Variants in TSC22D1 observed in about 807,000 individuals in gnomAD.
TSC22D1 encodes the protein TSC22 domain family member 1.
TSC22D1 carries 9 observed loss-of-function variants against 74.2 expected under a neutral mutation model. The observed-to-expected ratio is 0.12, with a 90% CI of 0.07 to 0.21. The LOEUF is 0.21. TSC22D1 is among the 10% of genes least tolerant of loss of function. The pLI is 1.00. For synonymous variants in TSC22D1, 586 were observed against 492.5 expected, an observed-to-expected ratio of 1.19 and a Z score of -2.51; for missense variants, 1,427 against 1,304.7, an observed-to-expected ratio of 1.09 and a Z score of -1.44.
At chr13:44,555,221 T>C (rs377720001) in intron 1 of TSC22D1, among the ~76,000 whole-genome samples, 5 of 151,990 alleles carry the variant, frequency 3.3e-5, no homozygotes, top group African/African-American at 1.2e-4. Context: ...TAATCACAAG[T>C]GTCTTGCAAA....
chr13:44,572,975 CTA>C (rs1348338880), intron 1 of TSC22D1, among the ~76,000 whole-genome samples, 186 bp downstream of exon 1: 1 of 152,224 alleles, frequency 6.6e-6, no homozygotes, highest in African/African-American at 2.4e-5. Flanking sequence ...TTACATATTA[CTA>C]TTATTTCCTA....
intron 1 of TSC22D1, among the ~76,000 whole-genome samples, chr13:44,484,240 A>T (rs1056546303): frequency 6.6e-6 from 1 of 152,222 alleles, no homozygotes; most frequent in African/African-American, 2.4e-5. Flanking sequence ...GTTTGAAATT[A>T]TGCCTACAGT....
intron 1 of TSC22D1, among the ~76,000 whole-genome samples, chr13:44,438,638 ATTG>A (rs1445027610): frequency 1.3e-5 from 2 of 152,160 alleles, no homozygotes; most frequent in African/African-American, 2.4e-5. Context: ...AATAACAATA[ATTG>A]TTAACATATT....
rs528775698 is a variant in TSC22D1, at chr13:44,525,966, G to T, written c.2912+47197C>A. Among the ~76,000 whole-genome samples the T allele has an allele frequency of 2.8e-4, 43 of 152,222 alleles. No individual in the cohort carries two copies. In the East Asian group the frequency reaches 4.8e-3, roughly 17 times the overall value. ...AAATAGAAAAATTAGCCAGGTGTTGGTGGCTTGCGCCTGCAGTCCCAGCTC... is the reference window on the plus strand; with the variant it reads ...AAATAGAAAAATTAGCCAGGTGTTGTTGGCTTGCGCCTGCAGTCCCAGCTC... On this transcript the variant is annotated intron_variant, in intron 1 of 2. Coordinates refer to ENST00000458659, the MANE Select transcript of TSC22D1 (RefSeq NM_183422.4).
chr13:44,456,030 G>C (rs544697311), intron 1 of TSC22D1, among the ~76,000 whole-genome samples: 2 of 152,184 alleles, frequency 1.3e-5, no homozygotes, highest in African/African-American at 4.8e-5. Context: ...GTATAAGACA[G>C]ACCCAATCTT....
At chr13:44,560,192 G>A (rs1038450369) in intron 1 of TSC22D1, among the ~76,000 whole-genome samples, 2 of 152,156 alleles carry the variant, frequency 1.3e-5, no homozygotes, top group African/African-American at 2.4e-5. Context: ...CACTTTGAGA[G>A]GCTGAGGTGG....
At chr13:44,446,931 TAAA>T (rs1355212835) in intron 1 of TSC22D1, among the ~76,000 whole-genome samples, 5 of 152,208 alleles carry the variant, frequency 3.3e-5, no homozygotes, top group Non-Finnish European at 5.9e-5. Flanking sequence ...TTTATTGTAG[TAAA>T]AAACACATAA....
Position 44,565,654 on chromosome 13 carries a change from CA to C in TSC22D1, c.2912+7508del, listed in dbSNP as rs1414224017. Among the ~76,000 whole-genome samples, 4 of 152,202 alleles carry C rather than the reference CA, an allele frequency of 2.6e-5. No homozygotes were observed. The East Asian group carries it at 5.8e-4, about 22-fold the overall frequency. ...AAGTGAGACGGCAAAAACCAACCAC[CA>C]AAGTTCTAATACTGCAGCATCAGAA... On this transcript the variant is annotated intron_variant, in intron 1 of 2. Coordinates refer to ENST00000458659, the MANE Select transcript of TSC22D1 (RefSeq NM_183422.4).
intron 1 of TSC22D1, among the ~76,000 whole-genome samples, chr13:44,502,435 G>A (rs1271301317): frequency 1.3e-5 from 2 of 152,062 alleles, no homozygotes; most frequent in Non-Finnish European, 2.9e-5. Context: ...CCTTAACTAA[G>A]ATTCCTTCAT....
chr13:44,437,311 T>A lies in TSC22D1; in HGVS notation c.2913-1216A>T, dbSNP rs1595075840. On this transcript the variant is annotated intron_variant, in intron 1 of 2. Coordinates refer to ENST00000458659, the MANE Select transcript of TSC22D1 (RefSeq NM_183422.4). ...CACCACTGTAAGACTTCGAGTGTCT[T>A]GATTTCAATTATCTAGTTCTTACCG... 3 of 960,102 alleles carry A rather than the reference T, an allele frequency of 3.1e-6. No individual in the cohort carries two copies. The African/African-American group carries it at 5.3e-5, about 17-fold the overall frequency. The allele number at this position is 960,102 out of a possible 1,614,324, so 59.5% of individuals were successfully genotyped here. A position where few individuals can be genotyped will look rare whatever the true frequency, so the allele number is the denominator to read the frequency against.
At chr13:44,561,763 A>G (rs1405826794) in intron 1 of TSC22D1, among the ~76,000 whole-genome samples, 1 of 152,232 alleles carries the variant, frequency 6.6e-6, no homozygotes, top group Non-Finnish European at 1.5e-5. Flanking sequence ...AAATATTTAA[A>G]GCAGCTTACA....
intron 1 of TSC22D1, among the ~76,000 whole-genome samples, chr13:44,512,393 T>G (rs1879773923): frequency 6.6e-6 from 1 of 151,892 alleles, no homozygotes. Context: ...ATGGTCTCGA[T>G]CTCCTGACCT....
At chr13:44,488,951 A>G (rs944870031) in intron 1 of TSC22D1, among the ~76,000 whole-genome samples, 1 of 152,134 alleles carries the variant, frequency 6.6e-6, no homozygotes, top group African/African-American at 2.4e-5. Flanking sequence ...TAAAATTTGT[A>G]TGGAAGACCC....
At chr13:44,455,026 GTC>G (rs1331685398) in intron 1 of TSC22D1, among the ~76,000 whole-genome samples, 7 of 152,128 alleles carry the variant, frequency 4.6e-5, no homozygotes, top group Admixed American at 2.0e-4. Context: ...ATGGACAAAA[GTC>G]TCTGTCTTCC....
rs371572685 is a variant in TSC22D1 at position 44,552,924 on chromosome 13, C to T, written c.2912+20239G>A. ...AATGGCGTGAACCCGGAAGGCGAAG[C>T]TTGCAGTGAGCCGCGATCGTGCCAC... On this transcript the variant is annotated intron_variant, in intron 1 of 2. Coordinates refer to ENST00000458659, the MANE Select transcript of TSC22D1 (RefSeq NM_183422.4). Among the ~76,000 whole-genome samples, 7 of 152,130 alleles carry T rather than the reference C, an allele frequency of 4.6e-5. No individual in the cohort carries two copies. The East Asian group carries it at 1.2e-3, about 25-fold the overall frequency.
rs1874324816 is a variant in TSC22D1 at position 44,434,276 on chromosome 13, GGA to G, written c.*348_*349del. 7.2e-7 allele frequency: 1 copy of G among 1,388,682 alleles called. No homozygotes were observed. The highest frequency in any genetic ancestry group is 9.2e-7 in the Non-Finnish European group (1 of 1,082,426). The allele number at this position is 1,388,682 out of a possible 1,614,324, so 86.0% of individuals were successfully genotyped here. ...CCATGTAGGACACTAAGCGCAAGCA[GGA>G]GAGAGAACCCTTGGAAGTGAGGGGT... On this transcript the variant is annotated 3_prime_UTR_variant, in exon 3 of 3. Transcript: ENST00000458659.
intron 1 of TSC22D1, among the ~76,000 whole-genome samples, chr13:44,532,437 C>T (rs1003230550): frequency 6.6e-6 from 1 of 152,102 alleles, no homozygotes; most frequent in Non-Finnish European, 1.5e-5. Context: ...TTTGGTGTCA[C>T]ACACTAACAG....
At chr13:44,440,501 T>C (rs1023145358) in intron 1 of TSC22D1, among the ~76,000 whole-genome samples, 2 of 149,344 alleles carry the variant, frequency 1.3e-5, no homozygotes, top group African/African-American at 4.9e-5. Flanking sequence ...TGACGAAGAA[T>C]TGCTTGAACC....
At chr13:44,569,302 A>G (rs1236025251) in intron 1 of TSC22D1, among the ~76,000 whole-genome samples, 1 of 152,238 alleles carries the variant, frequency 6.6e-6, no homozygotes, top group African/African-American at 2.4e-5. Context: ...CATGCTCCTA[A>G]CGAGCAGGCT....
Sources: gnomAD v4.1 joint callset for allele counts (sites outside exome capture counted in the v4.1 genomes callset) on GRCh38, gnomAD v4.1.1 for gene constraint, MANE v1.5 for transcripts, NCBI Gene and HGNC (gene_info 2026-07-23, HGNC 2026-07-21) for gene names.